The following TCTN3 variants were observed in gnomAD, a reference collection of about 807,000 sequenced individuals.
TCTN3 encodes tectonic-3.
Under a neutral mutation model 71.3 loss-of-function variants are expected in TCTN3, and 57 were observed. The ratio of observed to expected loss-of-function variants is 0.80; its 90% CI spans 0.65 to 1.00. The LOEUF is 1.00. Ranked by LOEUF, TCTN3 falls within the 50% of genes least tolerant of loss-of-function variation. TCTN3 has a pLI of 0.00. For missense variants in TCTN3, 696 were observed against 719.9 expected (o/e 0.97, Z 0.38); for synonymous variants, 258 against 267.8 (o/e 0.96, Z 0.36).
rs10654251 is a variant in TCTN3 at position 95,677,474 on chromosome 10, G to GTTTTTTTT, written c.1590+2990_1590+2997dup. Among the ~76,000 whole-genome samples the GTTTTTTTT allele has an allele frequency of 6.7e-4, 54 of 80,744 alleles. 8 individuals are homozygous for GTTTTTTTT. The highest frequency in any genetic ancestry group is 1.3e-3 in the African/African-American group (37 of 28,816). The allele number at this position is 80,744 out of a possible 152,430, so 53.0% of individuals were successfully genotyped here. ...ATACAAGAAGATAGTGAAGTCTACAGTTTTTTTTGTTTTTTTTTTTTTTTT... is the reference window on the plus strand; with the variant it reads ...ATACAAGAAGATAGTGAAGTCTACAGTTTTTTTTTTTTTTTTGTTTTTTTTTTTTTTTT... On this transcript the variant is annotated intron_variant, in intron 13 of 13. Coordinates refer to ENST00000371217, the MANE Select transcript of TCTN3 (RefSeq NM_015631.6).
Position 95,663,471 on chromosome 10 carries a change from T to C in TCTN3, c.*596A>G, listed in dbSNP as rs1432117486. On this transcript the variant is annotated 3_prime_UTR_variant, in exon 14 of 14. Transcript: ENST00000371217. Reference sequence around the variant, plus strand: ...AACGGAAGAAAAAGGCAGAAATAAATGGTAGGGTCATTTGCTAGTAGAAAA... The same window carrying C: ...AACGGAAGAAAAAGGCAGAAATAAACGGTAGGGTCATTTGCTAGTAGAAAA... The C allele has an allele frequency of 2.0e-5, 3 of 152,830 alleles. No homozygotes were observed. Among genetic ancestry groups the C allele is most frequent in the East Asian group, 3.8e-4 (2 of 5,204 alleles). 9.5% of individuals were successfully genotyped at this position (152,830 alleles called of 1,614,324 possible). A position where few individuals can be genotyped will look rare whatever the true frequency, so the allele number is the denominator to read the frequency against.
In TCTN3 at chr10:95,688,397, G is replaced by GAAAAAAAAAA. The variant is rs60722894; in HGVS notation, c.500-688_500-679dup. On this transcript the variant is annotated intron_variant, in intron 3 of 13. Coordinates refer to ENST00000371217, the MANE Select transcript of TCTN3 (RefSeq NM_015631.6). The stretch of plus-strand genomic sequence containing the variant: ...AAGAGCGAAACTCTGTCAAAAAAAA[G>GAAAAAAAAAA]AAAAAAAAAAAAAAAAAAAAAGAAA... Among the ~76,000 whole-genome samples the GAAAAAAAAAA allele has an allele frequency of 4.9e-3, 517 of 104,488 alleles. 1 individual carries two copies. Among genetic ancestry groups the GAAAAAAAAAA allele is most frequent in the East Asian group, 0.011 (37 of 3,412 alleles). The allele number at this position is 104,488 out of a possible 152,430, so 68.5% of individuals were successfully genotyped here.
intron 9 of TCTN3, 38 bp downstream of exon 9, chr10:95,684,461 C>A: frequency 6.3e-7 from 1 of 1,591,574 alleles, no homozygotes; most frequent in Non-Finnish European, 8.5e-7. Flanking sequence ...CCCAATATTT[C>A]TTCCCCTCTA....
In TCTN3 at chr10:95,664,312, A is replaced by G. The variant is rs373643964; in HGVS notation, c.1591-12T>C. On this transcript the variant is annotated splice_polypyrimidine_tract_variant and intron_variant, in intron 13 of 13. Transcript: ENST00000371217. Reference sequence around the variant, plus strand: ...ACTTGCTGAGAATCCTACGGGAAGAAAGTCAATGACAGGTCAGCGCTTGGT... The same window carrying G: ...ACTTGCTGAGAATCCTACGGGAAGAGAGTCAATGACAGGTCAGCGCTTGGT... The G allele has an allele frequency of 4.2e-5, 68 of 1,612,586 alleles. No individual in the cohort carries two copies. Among genetic ancestry groups the G allele is most frequent in the Middle Eastern group, 1.6e-4 (1 of 6,082 alleles).
At chr10:95,671,496 A>T (rs191741372) in intron 13 of TCTN3, among the ~76,000 whole-genome samples, 1 of 152,350 alleles carries the variant, frequency 6.6e-6, no homozygotes, top group Admixed American at 6.5e-5. Flanking sequence ...TTACATCTGT[A>T]TGATCACGAT....
chr10:95,671,086 T>C (rs1269655022), intron 13 of TCTN3, among the ~76,000 whole-genome samples: 9 of 152,232 alleles, frequency 5.9e-5, no homozygotes, highest in African/African-American at 1.9e-4. Context: ...AAGTTATAGA[T>C]AGGCAAAATT....
At chr10:95,679,872 G>C (rs1312118619) in intron 13 of TCTN3, among the ~76,000 whole-genome samples, 1 of 152,092 alleles carries the variant, frequency 6.6e-6, no homozygotes, top group Non-Finnish European at 1.5e-5. Context: ...TTACAGGCGT[G>C]AGCCACCGCG....
rs763943685 is a variant in TCTN3 at position 95,693,927 on chromosome 10, G to A, written c.-28C>T. On this transcript the variant is annotated 5_prime_UTR_variant, in exon 1 of 14. Coordinates refer to ENST00000371217, the MANE Select transcript of TCTN3 (RefSeq NM_015631.6). ...GGCATTCAGGGCCTCCGGGTCCGAC[G>A]TAGGCCTCCGCGGTCTCCAATCGCA... The A allele has an allele frequency of 3.2e-6, 5 of 1,551,236 alleles. No homozygotes were observed. Among genetic ancestry groups the A allele is most frequent in the Non-Finnish European group, 4.4e-6 (5 of 1,146,966 alleles).
chr10:95,683,687 A>G, intron 9 of TCTN3, 58 bp from the exon 10 acceptor site: 2 of 1,479,118 alleles, frequency 1.4e-6, no homozygotes, highest in South Asian at 1.3e-5. Context: ...CCCACCTCCC[A>G]CTGCTTGGCT....
chr10:95,685,946 G>A (rs540254851), intron 7 of TCTN3, among the ~76,000 whole-genome samples: 1 of 152,360 alleles, frequency 6.6e-6, no homozygotes, highest in African/African-American at 2.4e-5. Context: ...AAGACTCCAG[G>A]AGGGGTGAGA....
intron 13 of TCTN3, among the ~76,000 whole-genome samples, chr10:95,678,986 A>G (rs2097940160): frequency 6.6e-6 from 1 of 152,228 alleles, no homozygotes; most frequent in Non-Finnish European, 1.5e-5. Context: ...ATCATACCAC[A>G]TATTAATACA....
intron 13 of TCTN3, among the ~76,000 whole-genome samples, chr10:95,668,508 T>C (rs975224335): frequency 2.6e-5 from 4 of 152,052 alleles, no homozygotes; most frequent in Admixed American, 6.6e-5. Flanking sequence ...AAATTGTGAG[T>C]GAAAATAATT....
rs748790235 is a variant in TCTN3 at position 95,673,467 on chromosome 10, T to C, written c.1590+7005A>G. Among the ~76,000 whole-genome samples the C allele has an allele frequency of 5.2e-4, 79 of 152,186 alleles. 1 individual carries two copies. Among genetic ancestry groups the C allele is most frequent in the Non-Finnish European group, 2.5e-4 (17 of 68,042 alleles). ...TAAAAAATTTCAATAGTTTTTGAGG[T>C]ACAGATGGTTTTTGGTTACAGGGAT... On this transcript the variant is annotated intron_variant, in intron 13 of 13. Coordinates refer to ENST00000371217, the MANE Select transcript of TCTN3 (RefSeq NM_015631.6).
rs772698200 is a variant in TCTN3 at position 95,693,017 on chromosome 10, T to C, written c.402A>G (p.Val134=). The C allele has an allele frequency of 1.9e-6, 3 of 1,613,254 alleles. No homozygotes were observed. The African/African-American group carries it at 4.0e-5, about 22-fold the overall frequency. The change falls in exon 3 of 14, where the codon GTA becomes GTG. Residue 134 remains valine, a synonymous_variant. Transcript: ENST00000371217. Reference sequence around the variant, plus strand: ...TACTCCTGAAGATAACAGAGTTGTCTACACAAACCCAGCTTGAAGACCTGT... The same window carrying C: ...TACTCCTGAAGATAACAGAGTTGTCCACACAAACCCAGCTTGAAGACCTGT... The part of the protein sequence containing the change: ...GSVRSSSWVC[V]DNSVIFRSNS...
intron 9 of TCTN3, among the ~76,000 whole-genome samples, chr10:95,684,033 A>G (rs2097945879): frequency 6.6e-6 from 1 of 152,212 alleles, no homozygotes; most frequent in Non-Finnish European, 1.5e-5. Flanking sequence ...CAGTTGGTTG[A>G]TCACCTGAGG....
chr10:95,683,549 C>G lies in TCTN3; in HGVS notation c.1176G>C (p.Leu392Phe). Residue 392 changes from leucine (L) to phenylalanine (F), a missense_variant, in exon 10 of 14, where the codon TTG (leucine) becomes TTC (phenylalanine). Coordinates refer to ENST00000371217, the MANE Select transcript of TCTN3 (RefSeq NM_015631.6). ...AGTAACTTATATCATCAGTCAGAGC[C>G]AAGAGTGGCTTCCCAACTATATAGC... ...NPGYIVGKPL[L>F]ALTDDISYSM... 1 of 1,614,134 alleles carries G rather than the reference C, an allele frequency of 6.2e-7. No homozygotes were observed. The highest frequency in any genetic ancestry group is 1.3e-5 in the African/African-American group (1 of 75,030).
At chr10:95,674,910 AT>A (rs370484546) in intron 13 of TCTN3, among the ~76,000 whole-genome samples, 8 of 151,202 alleles carry the variant, frequency 5.3e-5, no homozygotes, top group African/African-American at 9.7e-5. Context: ...AAATATCTCC[AT>A]TTTTTTTTCC....
chr10:95,664,210 T>G lies in TCTN3; in HGVS notation c.1681A>C (p.Lys561Gln). 1.2e-6 allele frequency: 2 copies of G among 1,614,218 alleles called. No individual in the cohort carries two copies. The highest frequency in any genetic ancestry group is 1.7e-6 in the Non-Finnish European group (2 of 1,180,036). The change falls in exon 14 of 14, where the codon AAA becomes CAA. Residue 561 changes from lysine to glutamine, a missense_variant. Physicochemically the swap from Lys to Gln is moderately conservative, Grantham distance 53. Coordinates refer to ENST00000371217, the MANE Select transcript of TCTN3 (RefSeq NM_015631.6). The stretch of plus-strand genomic sequence containing the variant: ...TCGAATGGCCATTTCCAGTCCATTT[T>G]GGGTTGGCCCCTTGGAGGCTGTGGC... Reference protein sequence around the residue: ...QKPQPPRGQPKMDWKWPFDFF... With the variant: ...QKPQPPRGQPQMDWKWPFDFF...
At chr10:95,672,176 G>GTGTGT (rs1555268634) in intron 13 of TCTN3, among the ~76,000 whole-genome samples, 1 of 151,744 alleles carries the variant, frequency 6.6e-6, no homozygotes, top group Non-Finnish European at 1.5e-5. Context: ...GTGTGTGTCT[G>GTGTGT]GCTTCTTTCA....
Sources: allele counts gnomAD v4.1 joint callset (sites outside exome capture counted in the v4.1 genomes callset), GRCh38; gene constraint gnomAD v4.1.1; transcripts MANE v1.5; gene names NCBI Gene and HGNC (gene_info 2026-07-23, HGNC 2026-07-21).